Variants in STAT3 observed in about 807,000 individuals in gnomAD.
The protein encoded by STAT3 is signal transducer and activator of transcription 3.
In STAT3, 7 loss-of-function variants were observed where a neutral mutation model predicts 114.3. The observed-to-expected ratio is 0.06, with a 90% CI of 0.03 to 0.11. The LOEUF is 0.11. Among genes scored for constraint, STAT3 ranks in the 10% least tolerant of loss-of-function variants. The pLI is 1.00. For missense variants in STAT3, 364 were observed against 960.9 expected, an observed-to-expected ratio of 0.38 and a Z score of 8.21; for synonymous variants, 331 against 354.5, an observed-to-expected ratio of 0.93 and a Z score of 0.74.
chr17:42,336,157 G>A (rs542712869), intron 8 of STAT3, among the ~76,000 whole-genome samples: 2 of 152,246 alleles, frequency 1.3e-5, no homozygotes, highest in African/African-American at 2.4e-5. Flanking sequence ...GTAGAGTTGC[G>A]CTAAATTTCC....
chr17:42,323,414 G>A (rs1427227906), intron 18 of STAT3, 60 bp from the exon 19 acceptor site: 1 of 1,587,768 alleles, frequency 6.3e-7, no homozygotes, highest in East Asian at 2.2e-5. Context: ...TCCCTTCCTA[G>A]GGGTGCAGTG....
At chr17:42,319,966 G>C (rs1042392194) in intron 21 of STAT3, among the ~76,000 whole-genome samples, 1 of 152,268 alleles carries the variant, frequency 6.6e-6, no homozygotes. Flanking sequence ...TGACATCGCT[G>C]GGCAGGAAAG....
chr17:42,370,918 A>G lies in STAT3; in HGVS notation c.-24+17361T>C, dbSNP rs574514917. ...GCCACCACACCGGGCCTCCCTGTTA[A>G]GCCCAGTTTATCCAGTATTTCTAGG... On this transcript the variant is annotated intron_variant, in intron 1 of 23. Coordinates refer to ENST00000264657, the MANE Select transcript of STAT3 (RefSeq NM_139276.3). Among the ~76,000 whole-genome samples, 139 of 152,176 alleles carry G rather than the reference A, an allele frequency of 9.1e-4. 1 individual carries two copies. Among genetic ancestry groups the G allele is most frequent in the Admixed American group, 1.8e-3 (27 of 15,268 alleles).
intron 21 of STAT3, among the ~76,000 whole-genome samples, chr17:42,318,137 T>G (rs2081325589): frequency 1.3e-5 from 2 of 150,874 alleles, no homozygotes; most frequent in Non-Finnish European, 2.9e-5. Context: ...TTTTTTTTTT[T>G]TGAGACGGAG....
At chr17:42,373,655 C>T (rs1041171910) in intron 1 of STAT3, among the ~76,000 whole-genome samples, 3 of 151,618 alleles carry the variant, frequency 2.0e-5, no homozygotes, top group Non-Finnish European at 2.9e-5. Flanking sequence ...TTTGGGAGGC[C>T]GAGGCGGGTG....
chr17:42,322,180 T>TC, intron 21 of STAT3, 102 bp downstream of exon 21: 2 of 1,086,126 alleles, frequency 1.8e-6, no homozygotes, highest in East Asian at 2.5e-5. Flanking sequence ...GAAATAATTA[T>TC]CCCCCAGGTT....
chr17:42,339,303 A>G lies in STAT3; in HGVS notation c.468+11T>C. The G allele has an allele frequency of 6.2e-7, 1 of 1,613,040 alleles. No homozygotes were observed. The highest frequency in any genetic ancestry group is 8.5e-7 in the Non-Finnish European group (1 of 1,179,646). ...GAAAGCTCCCTGCCCGAGGCTTGTA[A>G]CTTGCATCACCTGCACTCTCTTCCG... On this transcript the variant is annotated intron_variant, in intron 5 of 23. Transcript: ENST00000264657.
At chr17:42,362,863 C>G (rs1262480317) in intron 1 of STAT3, among the ~76,000 whole-genome samples, 1 of 152,148 alleles carries the variant, frequency 6.6e-6, no homozygotes, top group Non-Finnish European at 1.5e-5. Context: ...TCACTCTGCT[C>G]CTTCTTCAGG....
At chr17:42,328,028 C>A in intron 14 of STAT3, among the ~76,000 whole-genome samples, 1 of 140,032 alleles carries the variant, frequency 7.1e-6, no homozygotes, top group African/African-American at 2.9e-5. Context: ...TAGAACGAGA[C>A]TCCGACTCAA....
At chr17:42,317,439 G>A (rs2081295727) in intron 21 of STAT3, 2 of 633,492 alleles carry the variant, frequency 3.2e-6, no homozygotes, top group Non-Finnish European at 2.8e-6. Context: ...TCAGTTCTTT[G>A]CACAAAGCTG....
rs74897890 is a variant in STAT3, at chr17:42,335,434, C to A, written c.798-1385G>T. ...CTCAAACTCCTGGGTTCAAGTGATC[C>A]TCCCGACTCTGCCTCCCAAAGCATT... On this transcript the variant is annotated intron_variant, in intron 8 of 23. Coordinates refer to ENST00000264657, the MANE Select transcript of STAT3 (RefSeq NM_139276.3). 1.5e-3 allele frequency among the ~76,000 whole-genome samples: 224 copies of A among 152,328 alleles called. 2 individuals carry two copies. In the East Asian group the frequency reaches 0.025, roughly 17 times the overall value.
chr17:42,373,713 G>A (rs981820632), intron 1 of STAT3, among the ~76,000 whole-genome samples: 5 of 151,664 alleles, frequency 3.3e-5, no homozygotes, highest in South Asian at 2.1e-4. Context: ...GTGAAACCCC[G>A]TCTCTACTAA....
intron 14 of STAT3, among the ~76,000 whole-genome samples, chr17:42,327,848 C>A (rs1292706035): frequency 6.6e-6 from 1 of 152,062 alleles, no homozygotes; most frequent in Non-Finnish European, 1.5e-5. Context: ...GAGTTCAAGA[C>A]CAGCCTGACC....
At chr17:42,353,872 C>A (rs1395548785) in intron 1 of STAT3, among the ~76,000 whole-genome samples, 1 of 152,068 alleles carries the variant, frequency 6.6e-6, no homozygotes, top group African/African-American at 2.4e-5. Flanking sequence ...TCATGCCCAG[C>A]CAAAAATAGA....
At position 42,333,558 on chromosome 17, in the gene STAT3, T is replaced by G; in HGVS notation, c.1049+115A>C. 1 of 1,183,640 alleles carries G rather than the reference T, an allele frequency of 8.4e-7. No individual in the cohort carries two copies. Among genetic ancestry groups the G allele is most frequent in the Non-Finnish European group, 1.2e-6 (1 of 810,086 alleles). The allele number at this position is 1,183,640 out of a possible 1,614,324, so 73.3% of individuals were successfully genotyped here. On this transcript the variant is annotated intron_variant, in intron 10 of 23. Transcript: ENST00000264657. The surrounding 1 kb of genome is among the most constrained non-coding windows in gnomAD (Gnocchi z 5.2). ...GCAACAAATTTCAACCCCGCAACAG[T>G]GTACTGCCTGTGACACCACACCTGG...
chr17:42,345,392 G>C, intron 4 of STAT3, 167 bp downstream of exon 4: 5 of 643,582 alleles, frequency 7.8e-6, no homozygotes, highest in Non-Finnish European at 1.3e-5. Context: ...TATTTTGGGG[G>C]GTGGAACTTT....
intron 21 of STAT3, chr17:42,317,620 G>A: frequency 3.4e-6 from 1 of 292,456 alleles, no homozygotes; most frequent in South Asian, 3.9e-5. Context: ...CTGCATGCAG[G>A]AACCGAGCCT....
intron 1 of STAT3, among the ~76,000 whole-genome samples, chr17:42,380,395 GT>G (rs200389606): frequency 0.016 from 2,357 of 149,714 alleles, 64 homozygotes; most frequent in African/African-American, 0.055. Flanking sequence ...TTGTTTTTCG[GT>G]TTTTTTGAGA....
At position 42,325,074 on chromosome 17, in the gene STAT3, TG is replaced by T. The variant is rs1444367201; in HGVS notation, c.1366-14del. 1 of 1,612,608 alleles carries T rather than the reference TG, an allele frequency of 6.2e-7. No individual in the cohort carries two copies. The highest frequency in any genetic ancestry group is 8.5e-7 in the Non-Finnish European group (1 of 1,179,232). On this transcript the variant is annotated splice_polypyrimidine_tract_variant and intron_variant, in intron 15 of 23. Coordinates refer to ENST00000264657, the MANE Select transcript of STAT3 (RefSeq NM_139276.3). ...GCAAGGAGTGGGTCTGCGGAGGGAG[TG>T]GGGACTGAGCTGGGGAGGCAGAGGG...
Sources: gnomAD v4.1 joint callset for allele counts (sites outside exome capture counted in the v4.1 genomes callset) on GRCh38, gnomAD v4.1.1 for gene constraint, Gnocchi (gnomAD v3.1) non-coding constraint, MANE v1.5 for transcripts, NCBI Gene and HGNC (gene_info 2026-07-23, HGNC 2026-07-21) for gene names.